BMP2K: variants seen among roughly 807,000 people sequenced by gnomAD.
BMP2K encodes the protein BMP2 inducible kinase.
In BMP2K, 74 loss-of-function variants were observed where a neutral mutation model predicts 116.0. The ratio of observed to expected loss-of-function variants is 0.64; its 90% CI spans 0.53 to 0.77. The LOEUF (loss-of-function observed/expected upper bound fraction) is 0.77, where lower values mean the gene tolerates loss of function less well. Among genes scored for constraint, BMP2K ranks in the 30% least tolerant of loss-of-function variants. BMP2K has a pLI of 0.00. For missense variants in BMP2K, 1,365 were observed against 1,403.6 expected, an observed-to-expected ratio of 0.97 and a Z score of 0.44; for synonymous variants, 486 against 502.5, an observed-to-expected ratio of 0.97 and a Z score of 0.44.
At chr4:78,891,477 TTTC>T (rs777469511) in intron 15 of BMP2K, among the ~76,000 whole-genome samples, 63 of 152,176 alleles carry the variant, frequency 4.1e-4, no homozygotes, top group Non-Finnish European at 8.7e-4. Context: ...CTTTCTGGAC[TTTC>T]TTCTTTTAAA....
At position 78,836,791 on chromosome 4, in the gene BMP2K, C is replaced by T. The variant is rs74517878; in HGVS notation, c.403+3104C>T. Among the ~76,000 whole-genome samples the T allele has an allele frequency of 5.6e-3, 854 of 152,276 alleles. 11 individuals are homozygous for T. Among genetic ancestry groups the T allele is most frequent in the African/African-American group, 0.019 (806 of 41,540 alleles). On this transcript the variant is annotated intron_variant, in intron 3 of 15. Coordinates refer to ENST00000502613, the MANE Select transcript of BMP2K (RefSeq NM_198892.2). ...TTATAGGTTGGAAATAATTTTGATC[C>T]AGAATTTTGAGGACATCATTCCACT...
At chr4:78,832,706 G>T (rs1730269044) in intron 2 of BMP2K, among the ~76,000 whole-genome samples, 1 of 151,996 alleles carries the variant, frequency 6.6e-6, no homozygotes, top group South Asian at 2.1e-4. Flanking sequence ...TGTATAAGGA[G>T]CAGCACACTC....
rs115660542 is a variant in BMP2K at position 78,912,425 on chromosome 4, C to A, written c.*392C>A. 4.1e-3 allele frequency: 679 copies of A among 166,096 alleles called. 2 individuals are homozygous for A. The highest frequency in any genetic ancestry group is 0.015 in the African/African-American group (640 of 41,860). The allele number at this position is 166,096 out of a possible 1,614,324, so 10.3% of individuals were successfully genotyped here. ...CATATCCCTAAAATTAGGGTTATTT[C>A]TACATACACTAGTTACACTTGTGAA... On this transcript the variant is annotated 3_prime_UTR_variant, in exon 16 of 16. Coordinates refer to ENST00000502613, the MANE Select transcript of BMP2K (RefSeq NM_198892.2).
At chr4:78,879,418 A>AT (rs1732791990) in intron 14 of BMP2K, 1 of 985,652 alleles carries the variant, frequency 1.0e-6, no homozygotes. Context: ...AATTAAATAA[A>AT]TTCTTTTTCA....
rs1268546570 is a variant in BMP2K, at chr4:78,913,136, T to TA, written c.*1103_*1104insA. On this transcript the variant is annotated 3_prime_UTR_variant, in exon 16 of 16. Transcript: ENST00000502613. Reference sequence around the variant, plus strand: ...AAGCAACAATTATTTTTATTAGGTTTTGGGGGGTGGAGTAGTTTTAATAAA... The same window carrying TA: ...AAGCAACAATTATTTTTATTAGGTTTATGGGGGGTGGAGTAGTTTTAATAAA... 1 of 152,138 alleles carries TA rather than the reference T, an allele frequency of 6.6e-6. No homozygotes were observed. Among genetic ancestry groups the TA allele is most frequent in the African/African-American group, 2.4e-5 (1 of 41,450 alleles). 9.4% of individuals were successfully genotyped at this position (152,138 alleles called of 1,614,324 possible). A position where few individuals can be genotyped will look rare whatever the true frequency, so the allele number is the denominator to read the frequency against.
chr4:78,851,173 A>T (rs367946700), intron 7 of BMP2K, 117 bp downstream of exon 7: 4 of 1,069,346 alleles, frequency 3.7e-6, no homozygotes, highest in Middle Eastern at 3.1e-4. Flanking sequence ...TTGTGAAACT[A>T]TAGTAAAGAA....
intron 15 of BMP2K, among the ~76,000 whole-genome samples, chr4:78,901,236 T>C (rs1046736882): frequency 6.6e-6 from 1 of 151,554 alleles, no homozygotes; most frequent in African/African-American, 2.4e-5. Flanking sequence ...TATTATTTTT[T>C]TTTTTGTAGA....
chr4:78,844,511 G>A (rs113522897), intron 4 of BMP2K, among the ~76,000 whole-genome samples: 4,181 of 151,646 alleles, frequency 0.028, 216 homozygotes, highest in African/African-American at 0.096. Flanking sequence ...GGAGAAAATT[G>A]GAAGTATAGT....
chr4:78,776,530 T>C lies in BMP2K; in HGVS notation c.-14T>C. 8.8e-7 allele frequency: 1 copy of C among 1,134,074 alleles called. No individual in the cohort carries two copies. The highest frequency in any genetic ancestry group is 1.1e-6 in the Non-Finnish European group (1 of 922,630). 70.3% of individuals were successfully genotyped at this position (1,134,074 alleles called of 1,614,324 possible). On this transcript the variant is annotated 5_prime_UTR_variant, in exon 1 of 16. Transcript: ENST00000502613. ...TTGCACGCTCCCTGCGCCCTCCAGC[T>C]CGCCGGCGGGACCATGAAGAAGTTC...
At chr4:78,874,230 CTT>C (rs569832790) in intron 13 of BMP2K, among the ~76,000 whole-genome samples, 22 of 152,008 alleles carry the variant, frequency 1.4e-4, no homozygotes, top group Non-Finnish European at 2.8e-4. Flanking sequence ...TTGCCGAACT[CTT>C]TGTCATTTAT....
At position 78,870,971 on chromosome 4, in the gene BMP2K, C is replaced by G. The variant is rs1291972799; in HGVS notation, c.1420C>G (p.Gln474Glu). The change falls in exon 11 of 16, where the codon CAG becomes GAG. Residue 474 changes from glutamine to glutamate, a missense_variant. This residue lies in a region of BMP2K where 762 missense variants were observed against 756.7 expected (regional missense o/e 1.01). Coordinates refer to ENST00000502613, the MANE Select transcript of BMP2K (RefSeq NM_198892.2). ...QQQQQQQQQQ[Q>E]QQQQQQQQQQ... ...GCAGCAGCAACAGCAACAGCAGCAG[C>G]AGCAACAGCAACAGCAGCAGCAGCA... The G allele has an allele frequency of 6.2e-7, 1 of 1,610,464 alleles. No homozygotes were observed. Among genetic ancestry groups the G allele is most frequent in the East Asian group, 2.2e-5 (1 of 44,834 alleles).
chr4:78,823,635 T>C (rs969215618), intron 1 of BMP2K, among the ~76,000 whole-genome samples: 2 of 148,804 alleles, frequency 1.3e-5, no homozygotes, highest in Admixed American at 6.7e-5. Flanking sequence ...TATAGTTATA[T>C]AGTTATGTCT....
chr4:78,826,148 C>A lies in BMP2K; in HGVS notation c.290C>A (p.Thr97Lys). 6.2e-7 allele frequency: 1 copy of A among 1,607,386 alleles called. No individual in the cohort carries two copies. The highest frequency in any genetic ancestry group is 1.7e-4 in the Middle Eastern group (1 of 6,054). ...CTCAATGTTTGTAAAAGGGAAATTA[C>A]AATTATGGTAAGTGAAGGAGTAGTT... ...PDLNVCKREI[T>K]IMKELSGHKN... The change falls in exon 2 of 16, where the codon ACA becomes AAA. Residue 97 changes from threonine (T) to lysine (K), a missense_variant. Coordinates refer to ENST00000502613, the MANE Select transcript of BMP2K (RefSeq NM_198892.2).
At position 78,869,857 on chromosome 4, in the gene BMP2K, G is replaced by A. The variant is rs552592771; in HGVS notation, c.1232-926G>A. On this transcript the variant is annotated intron_variant, in intron 10 of 15. Coordinates refer to ENST00000502613, the MANE Select transcript of BMP2K (RefSeq NM_198892.2). ...CATGCATTTCCTTATAATTAGAAAA[G>A]TTAGAAATAGTTATAAAACTATTTT... Among the ~76,000 whole-genome samples the A allele has an allele frequency of 3.3e-5, 5 of 152,188 alleles. 1 individual carries two copies. The South Asian group carries it at 1.0e-3, about 32-fold the overall frequency.
In BMP2K at chr4:78,779,437, C is replaced by G. The variant is rs114364223; in HGVS notation, c.178+2716C>G. 5.8e-3 allele frequency among the ~76,000 whole-genome samples: 877 copies of G among 152,258 alleles called. 12 individuals carry two copies. Among genetic ancestry groups the G allele is most frequent in the African/African-American group, 0.02 (833 of 41,534 alleles). ...TAGGGACTGTTTTCAACAGTGAAATCACCAATAGCAAGCACAAAAATGAGA... is the reference window on the plus strand; with the variant it reads ...TAGGGACTGTTTTCAACAGTGAAATGACCAATAGCAAGCACAAAAATGAGA... On this transcript the variant is annotated intron_variant, in intron 1 of 15. Coordinates refer to ENST00000502613, the MANE Select transcript of BMP2K (RefSeq NM_198892.2).
intron 1 of BMP2K, among the ~76,000 whole-genome samples, chr4:78,788,393 T>G (rs1056335624): frequency 2.6e-5 from 4 of 151,392 alleles, no homozygotes; most frequent in African/African-American, 9.7e-5. Context: ...TTTTTTTTTT[T>G]GTCTACCTAA....
chr4:78,865,791 G>T, intron 10 of BMP2K, 71 bp downstream of exon 10: 2 of 1,461,054 alleles, frequency 1.4e-6, no homozygotes. Context: ...TTGATTTCCT[G>T]ACCTCAGGTG....
rs115326164 is a variant in BMP2K at position 78,778,473 on chromosome 4, A to C, written c.178+1752A>C. On this transcript the variant is annotated intron_variant, in intron 1 of 15. Transcript: ENST00000502613. The stretch of plus-strand genomic sequence containing the variant: ...AATGTATCATTTCTCTTGAAAAGTC[A>C]ATAATCAAATGCTAGGAGGAAGCAA... Among the ~76,000 whole-genome samples the C allele has an allele frequency of 8.3e-3, 1,257 of 152,350 alleles. 8 individuals carry two copies. Among genetic ancestry groups the C allele is most frequent in the Non-Finnish European group, 0.014 (945 of 68,030 alleles).
intron 8 of BMP2K, chr4:78,860,015 G>GTTTTTTTTTTTTTTT: frequency 6.5e-6 from 3 of 464,514 alleles, no homozygotes; most frequent in Non-Finnish European, 8.3e-6. Flanking sequence ...AGGACTGTTA[G>GTTTTTTTTTTTTTTT]TTTTTTTTTT....
Sources: gnomAD v4.1 joint callset for allele counts (sites outside exome capture counted in the v4.1 genomes callset) on GRCh38, gnomAD v4.1.1 for gene constraint, gnomAD v4.1.1 regional missense constraint, MANE v1.5 for transcripts, NCBI Gene and HGNC (gene_info 2026-07-23, HGNC 2026-07-21) for gene names.